The following MAP2K3 variants were observed in gnomAD, a reference collection of about 807,000 sequenced individuals.
MAP2K3 encodes dual specificity mitogen-activated protein kinase kinase 3.
In MAP2K3, 30 loss-of-function variants were observed where a neutral mutation model predicts 46.4. That is an observed-to-expected ratio of 0.65 (90% CI 0.48 to 0.88). The LOEUF is 0.88. Ranked by LOEUF, MAP2K3 falls within the 40% of genes least tolerant of loss-of-function variation. The pLI, the probability that MAP2K3 is intolerant of heterozygous loss-of-function variation, is 0.00. For synonymous variants in MAP2K3, 189 were observed against 176.3 expected (o/e 1.07, Z -0.57); for missense variants, 380 against 464.5 (o/e 0.82, Z 1.67).
intron 1 of MAP2K3, chr17:21,295,832 C>T (rs1976214287): frequency 7.8e-7 from 1 of 1,289,624 alleles, no homozygotes; most frequent in South Asian, 1.2e-5. Context: ...AATCCCAAGG[C>T]ATGAGGTGGG....
At chr17:21,295,463 G>A (rs1168940281) in intron 1 of MAP2K3, among the ~76,000 whole-genome samples, 1 of 152,308 alleles carries the variant, frequency 6.6e-6, no homozygotes, top group African/African-American at 2.4e-5. Context: ...GCCGCCGAGA[G>A]CCTCTGTTTG....
chr17:21,306,923 C>A (rs1976915843), intron 9 of MAP2K3, among the ~76,000 whole-genome samples: 1 of 152,308 alleles, frequency 6.6e-6, no homozygotes, highest in Non-Finnish European at 1.5e-5. Flanking sequence ...GTAGCTGGAA[C>A]TACAGGTGTG....
In MAP2K3 at chr17:21,303,045, G is replaced by A. The variant is rs1395085394; in HGVS notation, c.517-138G>A. ...AAATGCCAGGACAGGGCAGGAGGCT[G>A]GGATGAGAGGGTGCGTAGCCTGTGC... is the stretch of plus-strand genomic sequence containing the variant. On this transcript the variant is annotated intron_variant, in intron 6 of 11. Transcript: ENST00000342679. 7 of 1,117,920 alleles carry A rather than the reference G, an allele frequency of 6.3e-6. No homozygotes were observed. In the Admixed American group the frequency reaches 1.0e-4, roughly 17 times the overall value. 69.3% of individuals were successfully genotyped at this position (1,117,920 alleles called of 1,614,324 possible). A position where few individuals can be genotyped will look rare whatever the true frequency, so the allele number is the denominator to read the frequency against.
chr17:21,306,419 C>T (rs1484438039), intron 9 of MAP2K3, among the ~76,000 whole-genome samples: 3 of 152,228 alleles, frequency 2.0e-5, no homozygotes, highest in African/African-American at 4.8e-5. Flanking sequence ...AGCTGCCGTG[C>T]CCTCTCAGGG....
intron 6 of MAP2K3, among the ~76,000 whole-genome samples, chr17:21,302,546 T>A (rs986887921): frequency 5.1e-4 from 78 of 152,398 alleles, no homozygotes; most frequent in African/African-American, 1.7e-3. Context: ...GATCATTTTT[T>A]AAAAAAGGAA....
Position 21,298,398 on chromosome 17 carries a change from T to G in MAP2K3, c.50-15T>G. On this transcript the variant is annotated splice_polypyrimidine_tract_variant and intron_variant, in intron 1 of 11. Coordinates refer to ENST00000342679, the MANE Select transcript of MAP2K3 (RefSeq NM_145109.3). ...CAAGGGATAGGCCAGACGCCTCACC[T>G]TCTCTCCATTCTAGGAAAATCCAAG... The G allele has an allele frequency of 6.2e-7, 1 of 1,614,204 alleles. No homozygotes were observed. Among genetic ancestry groups the G allele is most frequent in the Non-Finnish European group, 8.5e-7 (1 of 1,179,966 alleles).
chr17:21,295,975 A>C (rs1435252514), intron 1 of MAP2K3: 11 of 1,260,926 alleles, frequency 8.7e-6, no homozygotes, highest in Non-Finnish European at 1.0e-5. Flanking sequence ...GCAGAGCTTT[A>C]ATTTTTAACA....
At chr17:21,293,448 C>CT (rs1976058342) in intron 1 of MAP2K3, among the ~76,000 whole-genome samples, 2 of 152,430 alleles carry the variant, frequency 1.3e-5, no homozygotes, top group Non-Finnish European at 2.9e-5. Context: ...GGAGGACCCT[C>CT]TGGCAGCCAT....
intron 9 of MAP2K3, among the ~76,000 whole-genome samples, chr17:21,306,445 G>GTACC (rs1976894434): frequency 6.6e-6 from 1 of 152,260 alleles, no homozygotes; most frequent in African/African-American, 2.4e-5. Flanking sequence ...CACCCTCCTG[G>GTACC]TACCTCCCTG....
chr17:21,302,075 C>A, intron 5 of MAP2K3, 68 bp from the exon 6 acceptor site: 1 of 1,476,780 alleles, frequency 6.8e-7, no homozygotes, highest in Non-Finnish European at 9.5e-7. Flanking sequence ...GGTGCTGGGG[C>A]AGGCAGTGCA....
At chr17:21,301,989 G>A (rs572454011) in intron 5 of MAP2K3, among the ~76,000 whole-genome samples, 154 bp from the exon 6 acceptor site, 1 of 152,430 alleles carries the variant, frequency 6.6e-6, no homozygotes, top group Non-Finnish European at 1.5e-5. Context: ...GCGGGCAAGT[G>A]GGTGGTGGGT....
chr17:21,295,700 T>G (rs1305896465), intron 1 of MAP2K3: 2 of 1,289,512 alleles, frequency 1.6e-6, no homozygotes, highest in Admixed American at 4.6e-5. Flanking sequence ...GGCCAGTCCA[T>G]ATACCACCCA....
chr17:21,301,376 G>C (rs1459963441), intron 5 of MAP2K3, among the ~76,000 whole-genome samples: 1 of 152,312 alleles, frequency 6.6e-6, no homozygotes, highest in African/African-American at 2.4e-5. Flanking sequence ...TGGATTCTGG[G>C]TTCTAGGTTT....
At chr17:21,291,550 A>C (rs762578282) in intron 1 of MAP2K3, 1 of 456,552 alleles carries the variant, frequency 2.2e-6, no homozygotes, top group East Asian at 6.9e-5. Flanking sequence ...GGTGCAAGGA[A>C]TGTCCCATTC....
chr17:21,308,831 C>A (rs1031021726), intron 9 of MAP2K3, among the ~76,000 whole-genome samples: 1 of 152,222 alleles, frequency 6.6e-6, no homozygotes, highest in African/African-American at 2.4e-5. Context: ...AGTTGTCCAT[C>A]CATCATGATT....
intron 1 of MAP2K3, chr17:21,288,096 G>A (rs1975775394): frequency 1.6e-6 from 2 of 1,289,102 alleles, no homozygotes; most frequent in Admixed American, 2.3e-5. Flanking sequence ...CCGGCGGTGA[G>A]TCAGCGGGCA....
In MAP2K3 at chr17:21,300,723, G is replaced by A. The variant is rs1172294131; in HGVS notation, c.279+65G>A. 6 of 1,596,334 alleles carry A rather than the reference G, an allele frequency of 3.8e-6. No homozygotes were observed. In the Admixed American group the frequency reaches 5.3e-5, roughly 14 times the overall value. ...GGAGGCGGGCTGAGCTCTGCCATGG[G>A]GCCCTGCCTATCCCTCTCAGTGATC... On this transcript the variant is annotated intron_variant, in intron 4 of 11. Coordinates refer to ENST00000342679, the MANE Select transcript of MAP2K3 (RefSeq NM_145109.3).
chr17:21,297,269 G>A (rs1029680657), intron 1 of MAP2K3, among the ~76,000 whole-genome samples: 41 of 152,420 alleles, frequency 2.7e-4, no homozygotes, highest in African/African-American at 9.9e-4. Context: ...TCAGAGACTG[G>A]GGTCTTCTTG....
chr17:21,295,784 G>C (rs753621989), intron 1 of MAP2K3: 4 of 1,289,448 alleles, frequency 3.1e-6, no homozygotes, highest in Non-Finnish European at 2.0e-6. Flanking sequence ...GGAAACTGAG[G>C]CTTGGTGAAG....
Sources: gnomAD v4.1 joint callset for allele counts (sites outside exome capture counted in the v4.1 genomes callset) on GRCh38, gnomAD v4.1.1 for gene constraint, MANE v1.5 for transcripts, NCBI Gene and HGNC (gene_info 2026-07-23, HGNC 2026-07-21) for gene names.